Variants in CSMD2 observed in about 807,000 individuals in gnomAD.
The protein encoded by CSMD2 is CUB and sushi domain-containing protein 2.
CSMD2 carries 130 observed loss-of-function variants against 398.5 expected under a neutral mutation model. The observed-to-expected ratio is 0.33, with a 90% CI of 0.28 to 0.38. The LOEUF is 0.38. Among genes scored for constraint, CSMD2 ranks in the 10% least tolerant of loss-of-function variants. CSMD2 has a pLI of 1.00. For missense variants in CSMD2, 3,829 were observed against 4,764.9 expected, an observed-to-expected ratio of 0.80 and a Z score of 5.78; for synonymous variants, 1,828 against 1,908.5, an observed-to-expected ratio of 0.96 and a Z score of 1.10.
chr1:34,101,920 AACTC>A (rs1659983983), intron 1 of CSMD2, among the ~76,000 whole-genome samples: 1 of 152,170 alleles, frequency 6.6e-6, no homozygotes, highest in South Asian at 2.1e-4. Context: ...AATTTGTACT[AACTC>A]TTTATAGAGT....
At chr1:33,887,797 C>T (rs1641702935) in intron 5 of CSMD2, among the ~76,000 whole-genome samples, 1 of 151,886 alleles carries the variant, frequency 6.6e-6, no homozygotes, top group Non-Finnish European at 1.5e-5. Context: ...AAAAAGCATC[C>T]ATGTGGGAAA....
chr1:33,911,997 A>T (rs1199169971), intron 5 of CSMD2, among the ~76,000 whole-genome samples: 1 of 152,150 alleles, frequency 6.6e-6, no homozygotes, highest in Non-Finnish European at 1.5e-5. Context: ...CTCCTATATT[A>T]AAATGGTATG....
In CSMD2 at chr1:33,515,453, A is replaced by G. The variant is rs900631079; in HGVS notation, c.*1171T>C. The G allele has an allele frequency of 3.9e-5, 6 of 152,266 alleles. No homozygotes were observed. Among genetic ancestry groups the G allele is most frequent in the African/African-American group, 1.4e-4 (6 of 41,446 alleles). 9.4% of individuals were successfully genotyped at this position (152,266 alleles called of 1,614,324 possible). On this transcript the variant is annotated 3_prime_UTR_variant, in exon 71 of 71. Coordinates refer to ENST00000373381, the MANE Select transcript of CSMD2 (RefSeq NM_001281956.2). ...TCCTCCCTTCTTAGCTGCCCCTTCT[A>G]GAACAGGGTTTCTGGCAGCTGGTGT...
At position 33,525,087 on chromosome 1, in the gene CSMD2, C is replaced by G. The variant is rs1425999670; in HGVS notation, c.10235-44G>C. 1.9e-6 allele frequency: 3 copies of G among 1,603,506 alleles called. No individual in the cohort carries two copies. The African/African-American group carries it at 4.0e-5, about 21-fold the overall frequency. On this transcript the variant is annotated intron_variant, in intron 65 of 70. Coordinates refer to ENST00000373381, the MANE Select transcript of CSMD2 (RefSeq NM_001281956.2). ...AGATGTGAGAGGGACTTTGTGTGTG[C>G]TGCCAGAATTGGGGTAGCCTGATGA...
chr1:33,555,352 T>C (rs1657858254), intron 55 of CSMD2, among the ~76,000 whole-genome samples: 1 of 151,938 alleles, frequency 6.6e-6, no homozygotes, highest in African/African-American at 2.4e-5. Context: ...AAGAAAGTGG[T>C]TTCCTGAGAA....
chr1:33,714,403 G>A (rs905087230), intron 21 of CSMD2, among the ~76,000 whole-genome samples, 184 bp downstream of exon 21: 1 of 152,258 alleles, frequency 6.6e-6, no homozygotes, highest in African/African-American at 2.4e-5. Flanking sequence ...TCCCTATTTT[G>A]CAGATAAGGA....
intron 58 of CSMD2, 80 bp from the exon 59 acceptor site, chr1:33,541,389 G>T: frequency 2.8e-6 from 3 of 1,059,014 alleles, no homozygotes; most frequent in Non-Finnish European, 4.3e-6. Context: ...ATCACTCCCT[G>T]CATGCATCCA....
Position 34,162,854 on chromosome 1 carries a change from C to T in CSMD2, c.187+2057G>A, listed in dbSNP as rs575739362. ...AGCCTGGGCGAGAAGAGCAAAACTC[C>T]GTCTTAAAAAAAATTTAAAAAGAAA... On this transcript the variant is annotated intron_variant, in intron 1 of 70. Coordinates refer to ENST00000373381, the MANE Select transcript of CSMD2 (RefSeq NM_001281956.2). 1.1e-4 allele frequency among the ~76,000 whole-genome samples: 16 copies of T among 151,730 alleles called. No individual in the cohort carries two copies. In the East Asian group the frequency reaches 1.4e-3, roughly 13 times the overall value.
At chr1:33,809,851 T>G (rs1439753678) in intron 10 of CSMD2, among the ~76,000 whole-genome samples, 1 of 152,058 alleles carries the variant, frequency 6.6e-6, no homozygotes, top group Non-Finnish European at 1.5e-5. Flanking sequence ...CAATTGCATT[T>G]CTAAACACCA....
chr1:33,931,755 C>T (rs1225346086), intron 4 of CSMD2, among the ~76,000 whole-genome samples: 7 of 152,178 alleles, frequency 4.6e-5, no homozygotes, highest in Non-Finnish European at 4.4e-5. Context: ...GAGCCTTCTG[C>T]TCCATGCTAA....
In CSMD2 at chr1:33,667,730, C is replaced by T. The variant is rs971016375; in HGVS notation, c.4053-4638G>A. On this transcript the variant is annotated intron_variant, in intron 25 of 70. Coordinates refer to ENST00000373381, the MANE Select transcript of CSMD2 (RefSeq NM_001281956.2). The stretch of plus-strand genomic sequence containing the variant: ...AGTCAAAGGCTTGGCATTGATGTTG[C>T]GGAGAGGAGTGCAGAAGAAGGGAGG... Among the ~76,000 whole-genome samples the T allele has an allele frequency of 6.6e-5, 10 of 152,222 alleles. No homozygotes were observed. The South Asian group carries it at 8.3e-4, about 13-fold the overall frequency.
intron 26 of CSMD2, among the ~76,000 whole-genome samples, chr1:33,660,826 T>C (rs1405012587): frequency 6.6e-6 from 1 of 152,210 alleles, no homozygotes; most frequent in East Asian, 1.9e-4. Flanking sequence ...GCTGCATACA[T>C]ACACTATGAG....
chr1:33,571,796 G>T, intron 50 of CSMD2, 70 bp from the exon 51 acceptor site: 1 of 1,192,538 alleles, frequency 8.4e-7, no homozygotes. Flanking sequence ...TAAGAGCCCA[G>T]ATCTAGGGAC....
At chr1:33,582,330 G>C (rs1397482273) in intron 47 of CSMD2, among the ~76,000 whole-genome samples, 1 of 152,132 alleles carries the variant, frequency 6.6e-6, no homozygotes, top group Non-Finnish European at 1.5e-5. Context: ...TGTTCCTAAG[G>C]GCAAGGTAAA....
chr1:33,522,330 T>C (rs571489875), intron 67 of CSMD2, among the ~76,000 whole-genome samples: 3 of 152,354 alleles, frequency 2.0e-5, no homozygotes, highest in African/African-American at 7.2e-5. Flanking sequence ...CCTGGCCCTC[T>C]GGATCCCCAT....
At chr1:33,878,514 T>C (rs1641006572) in intron 5 of CSMD2, among the ~76,000 whole-genome samples, 1 of 152,252 alleles carries the variant, frequency 6.6e-6, no homozygotes, top group Non-Finnish European at 1.5e-5. Context: ...GGAGCCATTA[T>C]TGTGACACAG....
intron 25 of CSMD2, among the ~76,000 whole-genome samples, chr1:33,668,604 C>A (rs1400978681): frequency 6.6e-6 from 1 of 152,174 alleles, no homozygotes; most frequent in African/African-American, 2.4e-5. Flanking sequence ...GTGAGCAGCT[C>A]CCCTGTAGGT....
chr1:34,154,989 G>C (rs1015026244), intron 1 of CSMD2, among the ~76,000 whole-genome samples: 26 of 152,254 alleles, frequency 1.7e-4, no homozygotes, highest in African/African-American at 6.0e-4. Context: ...GCCTCCCAAA[G>C]CGCTGGGATT....
chr1:34,131,331 T>C (rs909663759), intron 1 of CSMD2, among the ~76,000 whole-genome samples: 2 of 151,984 alleles, frequency 1.3e-5, no homozygotes, highest in Admixed American at 6.5e-5. Context: ...GTCTGCTCTA[T>C]TGGGAGGTGC....
Sources: gnomAD v4.1 joint callset for allele counts (sites outside exome capture counted in the v4.1 genomes callset) on GRCh38, gnomAD v4.1.1 for gene constraint, MANE v1.5 for transcripts, NCBI Gene and HGNC (gene_info 2026-07-23, HGNC 2026-07-21) for gene names.